The following MMP24 variants were observed in gnomAD, a reference collection of about 807,000 sequenced individuals.
The protein encoded by MMP24 is matrix metalloproteinase-24.
A neutral mutation model predicts 62.8 loss-of-function variants in MMP24; 25 were observed. That is an observed-to-expected ratio of 0.40 (90% confidence interval 0.29 to 0.56). The LOEUF (loss-of-function observed/expected upper bound fraction) is 0.56. Ranked by LOEUF, MMP24 falls within the 20% of genes least tolerant of loss-of-function variation. MMP24 has a pLI of 0.50. For missense variants in MMP24, 634 were observed against 853.6 expected, an observed-to-expected ratio of 0.74 and a Z score of 3.21; for synonymous variants, 319 against 350.5, an observed-to-expected ratio of 0.91 and a Z score of 1.00.
chr20:35,276,526 G>A lies in MMP24; in HGVS notation c.*1917G>A, dbSNP rs2060708110. The A allele has an allele frequency of 5.2e-6, 2 of 384,272 alleles. No individual in the cohort carries two copies. Among genetic ancestry groups the A allele is most frequent in the Non-Finnish European group, 9.2e-6 (2 of 217,020 alleles). The allele number at this position is 384,272 out of a possible 1,614,324, so 23.8% of individuals were successfully genotyped here. A position where few individuals can be genotyped will look rare whatever the true frequency, so the allele number is the denominator to read the frequency against. On this transcript the variant is annotated 3_prime_UTR_variant, in exon 9 of 9. Transcript: ENST00000246186. ...GCTGGGTCTTGTGTCCCCATCTGTG[G>A]ACCCCTCTAGGGTCTGAGATGAGAT...
chr20:35,265,286 C>CA (rs2060626923), intron 5 of MMP24, among the ~76,000 whole-genome samples: 2 of 151,992 alleles, frequency 1.3e-5, no homozygotes, highest in East Asian at 2.0e-4. Flanking sequence ...ACTAAAAATA[C>CA]AAAAAATTAG....
At chr20:35,237,780 T>A (rs942170863) in intron 1 of MMP24, among the ~76,000 whole-genome samples, 5 of 152,196 alleles carry the variant, frequency 3.3e-5, no homozygotes, top group African/African-American at 1.2e-4. Context: ...AAGTGAGCTG[T>A]CTTTTTAGAT....
Position 35,267,347 on chromosome 20 carries a change from C to A in MMP24, c.1122C>A (p.Gly374=). The change falls in exon 6 of 9, where the codon GGC becomes GGA. Residue 374 remains glycine, a synonymous_variant. Coordinates refer to ENST00000246186, the MANE Select transcript of MMP24 (RefSeq NM_006690.4). The part of the protein sequence containing the change: ...PPLGDRPSTP[G]TKPNICDGNF... ...TCGGGGACCGGCCATCCACACCAGGCACCAAACCCAACATCTGTGACGGCA... is the reference window on the plus strand; with the variant it reads ...TCGGGGACCGGCCATCCACACCAGGAACCAAACCCAACATCTGTGACGGCA... 6.3e-7 allele frequency: 1 copy of A among 1,583,558 alleles called. No individual in the cohort carries two copies. The highest frequency in any genetic ancestry group is 8.6e-7 in the Non-Finnish European group (1 of 1,165,488).
chr20:35,237,085 A>G (rs2060467488), intron 1 of MMP24, among the ~76,000 whole-genome samples: 1 of 152,164 alleles, frequency 6.6e-6, no homozygotes, highest in Non-Finnish European at 1.5e-5. Flanking sequence ...GGGAGCAGGA[A>G]TAGACAATAA....
At chr20:35,255,801 G>A (rs1479206102) in intron 4 of MMP24, among the ~76,000 whole-genome samples, 1 of 152,184 alleles carries the variant, frequency 6.6e-6, no homozygotes, top group African/African-American at 2.4e-5. Flanking sequence ...GCTGGATTAG[G>A]TGATCGCTAA....
At chr20:35,232,671 A>G (rs547068878) in intron 1 of MMP24, among the ~76,000 whole-genome samples, 1 of 152,360 alleles carries the variant, frequency 6.6e-6, no homozygotes, top group South Asian at 2.1e-4. Context: ...TGGCTCCACA[A>G]AAATGCATGG....
chr20:35,235,630 G>A (rs1024354995), intron 1 of MMP24, among the ~76,000 whole-genome samples: 2 of 152,052 alleles, frequency 1.3e-5, no homozygotes, highest in African/African-American at 4.8e-5. Context: ...CCCGAGAGGC[G>A]GAGGTTGCAG....
At position 35,258,612 on chromosome 20, in the gene MMP24, T is replaced by C. The variant is rs140032075; in HGVS notation, c.817+3858T>C. ...AATGTTGTTCATTAGATTTACAGGC[T>C]GACTAGATTCAAGTTCAATTTTTTT... On this transcript the variant is annotated intron_variant, in intron 4 of 8. Transcript: ENST00000246186. Among the ~76,000 whole-genome samples, 107 of 152,344 alleles carry C rather than the reference T, an allele frequency of 7.0e-4. 1 individual carries two copies. The East Asian group carries it at 0.02, about 28-fold the overall frequency.
At chr20:35,259,186 TAAAA>T (rs2060590239) in intron 4 of MMP24, among the ~76,000 whole-genome samples, 1 of 151,904 alleles carries the variant, frequency 6.6e-6, no homozygotes. Flanking sequence ...GTCTCAAAAA[TAAAA>T]AAGAAAGAAA....
In MMP24 at chr20:35,274,212, T is replaced by G; in HGVS notation, c.1601-60T>G. ...AGTGCCTGTGCCCTCCTTTTCACAC[T>G]GCCCCAGAGCAGGTGCCGGAAGTGT... On this transcript the variant is annotated intron_variant, in intron 8 of 8. Coordinates refer to ENST00000246186, the MANE Select transcript of MMP24 (RefSeq NM_006690.4). This position sits in a 1 kb window ranked among gnomAD's most constrained non-coding sequence, Gnocchi z 5.1. 1 of 1,495,316 alleles carries G rather than the reference T, an allele frequency of 6.7e-7. No homozygotes were observed. Among genetic ancestry groups the G allele is most frequent in the South Asian group, 1.2e-5 (1 of 80,016 alleles). The allele number at this position is 1,495,316 out of a possible 1,614,324, so 92.6% of individuals were successfully genotyped here. A position where few individuals can be genotyped will look rare whatever the true frequency, so the allele number is the denominator to read the frequency against.
rs1357463903 is a variant in MMP24 at position 35,269,136 on chromosome 20, G to C, written c.1195-624G>C. Among the ~76,000 whole-genome samples, 1 of 152,126 alleles carries C rather than the reference G, an allele frequency of 6.6e-6. No individual in the cohort carries two copies. Among genetic ancestry groups the C allele is most frequent in the Admixed American group, 6.5e-5 (1 of 15,284 alleles). On this transcript the variant is annotated intron_variant, in intron 6 of 8. Coordinates refer to ENST00000246186, the MANE Select transcript of MMP24 (RefSeq NM_006690.4). This position sits in a 1 kb window ranked among gnomAD's most constrained non-coding sequence, Gnocchi z 4.6. ...ACCAGTTACAAGAGGCGTTTTTACT[G>C]GACTCGGACTATTTAGCTGCCATTT...
At position 35,261,680 on chromosome 20, in the gene MMP24, A is replaced by G. The variant is rs532322485; in HGVS notation, c.818-2111A>G. Among the ~76,000 whole-genome samples, 8 of 152,142 alleles carry G rather than the reference A, an allele frequency of 5.3e-5. No homozygotes were observed. The East Asian group carries it at 1.5e-3, about 29-fold the overall frequency. On this transcript the variant is annotated intron_variant, in intron 4 of 8. Coordinates refer to ENST00000246186, the MANE Select transcript of MMP24 (RefSeq NM_006690.4). ...TGCTTCCACAACCAAGGTCCTGCAG[A>G]GAGCTGCCCACGCCCGGGCCCCACC...
At chr20:35,241,073 T>C (rs1016129931) in intron 1 of MMP24, among the ~76,000 whole-genome samples, 1 of 152,156 alleles carries the variant, frequency 6.6e-6, no homozygotes, top group Non-Finnish European at 1.5e-5. Flanking sequence ...CTAATGTGCA[T>C]AAAGAGAATG....
At chr20:35,256,591 T>C (rs546123488) in intron 4 of MMP24, among the ~76,000 whole-genome samples, 1 of 151,818 alleles carries the variant, frequency 6.6e-6, no homozygotes, top group Admixed American at 6.6e-5. Flanking sequence ...TGTTGGCAGG[T>C]GCCTGTAATC....
At position 35,251,943 on chromosome 20, in the gene MMP24, C is replaced by T; in HGVS notation, c.434C>T (p.Pro145Leu). The T allele has an allele frequency of 6.2e-7, 1 of 1,614,020 alleles. No homozygotes were observed. The change falls in exon 3 of 9, where the codon CCC (proline) becomes CTC (leucine). Residue 145 changes from proline to leucine, a missense_variant. By Grantham distance (98) the Pro-to-Leu change is moderately conservative. Transcript: ENST00000246186. ...KKPRCGVPDHPHLSRRRRNKR... is the reference protein window; with the variant it reads ...KKPRCGVPDHLHLSRRRRNKR... ...CCCCGATGTGGTGTCCCTGATCACC[C>T]CCACTTAAGCCGTAGGCGGAGAAAC...
intron 2 of MMP24, among the ~76,000 whole-genome samples, chr20:35,250,834 GGGGAA>G (rs1202583367): frequency 6.6e-6 from 1 of 152,082 alleles, no homozygotes; most frequent in East Asian, 1.9e-4. Context: ...GAACAGCAAG[GGGGAA>G]GTCTGCCTGC....
chr20:35,237,480 C>A (rs1228789641), intron 1 of MMP24, among the ~76,000 whole-genome samples: 1 of 152,248 alleles, frequency 6.6e-6, no homozygotes, highest in Non-Finnish European at 1.5e-5. Flanking sequence ...CCGGGCTAAT[C>A]TCCCCCATCT....
At chr20:35,254,911 C>T (rs970464347) in intron 4 of MMP24, among the ~76,000 whole-genome samples, 157 bp downstream of exon 4, 2 of 152,208 alleles carry the variant, frequency 1.3e-5, no homozygotes, top group African/African-American at 4.8e-5. Flanking sequence ...TAATATTCAA[C>T]GTTCAATCCA....
intron 2 of MMP24, among the ~76,000 whole-genome samples, chr20:35,251,496 T>C (rs898342390): frequency 6.6e-6 from 1 of 152,152 alleles, no homozygotes; most frequent in African/African-American, 2.4e-5. Context: ...TCCTGTAATC[T>C]CATTGCATTT....
Sources: allele counts gnomAD v4.1 joint callset (sites outside exome capture counted in the v4.1 genomes callset), GRCh38; gene constraint gnomAD v4.1.1; non-coding constraint Gnocchi (gnomAD v3.1); transcripts MANE v1.5; gene names NCBI Gene and HGNC (gene_info 2026-07-23, HGNC 2026-07-21).